Variants in AFP observed in about 807,000 individuals in gnomAD.
AFP encodes the protein alpha-fetoprotein.
In AFP, 64 loss-of-function variants were observed where a neutral mutation model predicts 78.9. The ratio of observed to expected loss-of-function variants is 0.81; its 90% CI spans 0.66 to 1.00. The LOEUF (loss-of-function observed/expected upper bound fraction) is 1.00, where lower values mean the gene tolerates loss of function less well. Among genes scored for constraint, AFP ranks in the 50% least tolerant of loss-of-function variants. The pLI is 0.00. For synonymous variants in AFP, 254 were observed against 243.8 expected (o/e 1.04, Z -0.39); for missense variants, 689 against 703.8 (o/e 0.98, Z 0.24).
At chr4:73,446,510 T>A (rs895526856) in intron 7 of AFP, among the ~76,000 whole-genome samples, 2 of 152,196 alleles carry the variant, frequency 1.3e-5, no homozygotes, top group Non-Finnish European at 2.9e-5. Context: ...TGCCTCTCTC[T>A]GGCCACTTAG....
Position 73,440,724 on chromosome 4 carries a change from C to T in AFP, c.393C>T (p.Pro131=). Residue 131 remains proline, a synonymous_variant, in exon 4 of 15, where the codon CCC becomes CCT. Coordinates refer to ENST00000395792, the MANE Select transcript of AFP (RefSeq NM_001134.3). ...RHNCFLAHKK[P]TPASIPLFQV... is the part of the protein sequence containing the mutation. Reference sequence around the variant, plus strand: ...ACTGTTTTCTTGCACACAAAAAGCCCACTCCAGCATCGATCCCACTTTTCC... The same window carrying T: ...ACTGTTTTCTTGCACACAAAAAGCCTACTCCAGCATCGATCCCACTTTTCC... The T allele has an allele frequency of 1.2e-6, 2 of 1,614,158 alleles. No homozygotes were observed. Among genetic ancestry groups the T allele is most frequent in the Non-Finnish European group, 1.7e-6 (2 of 1,180,028 alleles).
rs1360771195 is a variant in AFP at position 73,452,399 on chromosome 4, A to C, written c.1429-2A>C. ...ACTTTTTTTTCTCATTCTCCTAACC[A>C]GGCTGACATTATTATCGGACACTTA... On this transcript the variant is annotated splice_acceptor_variant, in intron 11 of 14. Coordinates refer to ENST00000395792, the MANE Select transcript of AFP (RefSeq NM_001134.3). LOFTEE classifies it high-confidence loss of function. 6.2e-7 allele frequency: 1 copy of C among 1,613,530 alleles called. No homozygotes were observed. Among genetic ancestry groups the C allele is most frequent in the Non-Finnish European group, 8.5e-7 (1 of 1,179,592 alleles).
In AFP at chr4:73,442,203, G is replaced by GA. The variant is rs1719690380; in HGVS notation, c.483-91dup. On this transcript the variant is annotated intron_variant, in intron 4 of 14. Coordinates refer to ENST00000395792, the MANE Select transcript of AFP (RefSeq NM_001134.3). ...AATGCATTTTGTTGTTGTTGTTTTT[G>GA]AATCTTTAAATAAATCCCAGTGTCC... 2.6e-5 allele frequency: 32 copies of GA among 1,245,774 alleles called. No homozygotes were observed. In the South Asian group the frequency reaches 3.8e-4, roughly 15 times the overall value. 77.2% of individuals were successfully genotyped at this position (1,245,774 alleles called of 1,614,324 possible).
Position 73,447,641 on chromosome 4 carries a change from A to G in AFP, c.1023A>G (p.Gln341=). 6.2e-7 allele frequency: 1 copy of G among 1,611,510 alleles called. No homozygotes were observed. The highest frequency in any genetic ancestry group is 8.5e-7 in the Non-Finnish European group (1 of 1,179,516). Reference sequence around the variant, plus strand: ...TTTTAGGAGATAGAGATTTTAACCAATTTTCTTCAGGGGAAAAAAATATCT... The same window carrying G: ...TTTTAGGAGATAGAGATTTTAACCAGTTTTCTTCAGGGGAAAAAAATATCT... The part of the protein sequence containing the change: ...NRFLGDRDFN[Q]FSSGEKNIFL... Residue 341 remains glutamine, a synonymous_variant, in exon 8 of 15, where the codon CAA becomes CAG. Coordinates refer to ENST00000395792, the MANE Select transcript of AFP (RefSeq NM_001134.3).
At position 73,447,453 on chromosome 4, in the gene AFP, C is replaced by T. The variant is rs755337108; in HGVS notation, c.844-9C>T. ...CTTTAAAACTTATACTTTATTTTCTCTGTTGCAGGAAAAAATCATGTCCTA... is the reference window on the plus strand; with the variant it reads ...CTTTAAAACTTATACTTTATTTTCTTTGTTGCAGGAAAAAATCATGTCCTA... On this transcript the variant is annotated splice_polypyrimidine_tract_variant and intron_variant, in intron 7 of 14. Coordinates refer to ENST00000395792, the MANE Select transcript of AFP (RefSeq NM_001134.3). 2 of 1,582,804 alleles carry T rather than the reference C, an allele frequency of 1.3e-6. No homozygotes were observed. Among genetic ancestry groups the T allele is most frequent in the Admixed American group, 3.4e-5 (2 of 58,042 alleles).
At chr4:73,443,846 T>A (rs1175938056) in intron 6 of AFP, among the ~76,000 whole-genome samples, 1 of 152,198 alleles carries the variant, frequency 6.6e-6, no homozygotes, top group Non-Finnish European at 1.5e-5. Context: ...TTATATTAAT[T>A]GTGTTTCTTA....
chr4:73,448,990 A>G (rs1415605389), intron 8 of AFP, among the ~76,000 whole-genome samples: 1 of 152,058 alleles, frequency 6.6e-6, no homozygotes, highest in African/African-American at 2.4e-5. Flanking sequence ...GAGGGCAGGT[A>G]TTTATCTTAG....
At chr4:73,453,739 G>T in intron 12 of AFP, 26 bp from the exon 13 acceptor site, 1 of 1,611,108 alleles carries the variant, frequency 6.2e-7, no homozygotes, top group Middle Eastern at 1.7e-4. Flanking sequence ...GACTTCTCTT[G>T]TATTTTGTTT....
intron 3 of AFP, 71 bp from the exon 4 acceptor site, chr4:73,440,531 G>C (rs1232483133): frequency 8.1e-7 from 1 of 1,229,836 alleles, no homozygotes; most frequent in East Asian, 2.4e-5. Context: ...ATTAGAAAAT[G>C]TTTCATGTGT....
intron 7 of AFP, 96 bp from the exon 8 acceptor site, chr4:73,447,366 C>T (rs1719860484): frequency 4.9e-6 from 4 of 818,676 alleles, no homozygotes; most frequent in Non-Finnish European, 7.4e-6. Context: ...TTCCCTTCTC[C>T]CTCCCTCCCC....
At chr4:73,447,860 G>A (rs1444792932) in intron 8 of AFP, among the ~76,000 whole-genome samples, 184 bp downstream of exon 8, 2 of 152,020 alleles carry the variant, frequency 1.3e-5, no homozygotes, top group Non-Finnish European at 2.9e-5. Flanking sequence ...AATGGGATTT[G>A]GTGTTTAACG....
At chr4:73,451,753 A>T (rs1719998993) in intron 11 of AFP, among the ~76,000 whole-genome samples, 1 of 152,238 alleles carries the variant, frequency 6.6e-6, no homozygotes, top group Admixed American at 6.5e-5. Context: ...CAGCTGTTTT[A>T]AACAAGATAA....
At chr4:73,436,491 T>C in intron 1 of AFP, 144 bp downstream of exon 1, 1 of 569,678 alleles carries the variant, frequency 1.8e-6, no homozygotes, top group Non-Finnish European at 3.1e-6. Context: ...TATATTTAAA[T>C]GAAAGATAAA....
At chr4:73,438,699 T>C (rs1313604054) in intron 3 of AFP, among the ~76,000 whole-genome samples, 2 of 152,116 alleles carry the variant, frequency 1.3e-5, no homozygotes, top group African/African-American at 4.8e-5. Flanking sequence ...CTGGCATTAT[T>C]CTAGGGAGCA....
chr4:73,438,434 T>G, intron 3 of AFP, 128 bp downstream of exon 3: 27 of 1,064,760 alleles, frequency 2.5e-5, no homozygotes, highest in African/African-American at 3.2e-5. Context: ...AAAGAGGGAT[T>G]AGATTCATTC....
chr4:73,451,295 C>G (rs1037721410), intron 11 of AFP, among the ~76,000 whole-genome samples: 1 of 152,088 alleles, frequency 6.6e-6, no homozygotes, highest in South Asian at 2.1e-4. Flanking sequence ...AAATGACTTT[C>G]GAGTCAGTAA....
intron 6 of AFP, among the ~76,000 whole-genome samples, chr4:73,444,047 A>G (rs570344927): frequency 6.6e-6 from 1 of 152,312 alleles, no homozygotes; most frequent in South Asian, 2.1e-4. Flanking sequence ...ATCGAATAGT[A>G]GTAAGTATAT....
At chr4:73,444,445 A>G (rs538841371) in intron 6 of AFP, among the ~76,000 whole-genome samples, 1 of 152,284 alleles carries the variant, frequency 6.6e-6, no homozygotes, top group Admixed American at 6.5e-5. Flanking sequence ...ATTTAATGAA[A>G]TATGCAGAGG....
intron 13 of AFP, 27 bp from the exon 14 acceptor site, chr4:73,455,209 C>T (rs966801224): frequency 1.9e-6 from 3 of 1,566,100 alleles, no homozygotes; most frequent in Non-Finnish European, 2.6e-6. Flanking sequence ...ATTTCTTTAT[C>T]TGATTATGTT....
Sources: gnomAD v4.1 joint callset for allele counts (sites outside exome capture counted in the v4.1 genomes callset) on GRCh38, gnomAD v4.1.1 for gene constraint, MANE v1.5 for transcripts, NCBI Gene and HGNC (gene_info 2026-07-23, HGNC 2026-07-21) for gene names.